TTF1: variants seen among roughly 807,000 people sequenced by gnomAD.
TTF1 encodes transcription termination factor, RNA polymerase I.
Under a neutral mutation model 80.2 loss-of-function variants are expected in TTF1, and 64 were observed. That is an observed-to-expected ratio of 0.80 (90% CI 0.65 to 0.98). The LOEUF is 0.98. Among genes scored for constraint, TTF1 ranks in the 50% least tolerant of loss-of-function variants. The probability of loss-of-function intolerance (pLI) is 0.00; values close to 1 mark genes in which losing one functional copy is unlikely to be tolerated. For synonymous variants in TTF1, 372 were observed against 382.7 expected (o/e 0.97, Z 0.33); for missense variants, 1,023 against 1,086.2 (o/e 0.94, Z 0.82).
At chr9:132,385,992 G>GGTGAAGAGTA (rs1319136339) in intron 9 of TTF1, among the ~76,000 whole-genome samples, 1 of 152,102 alleles carries the variant, frequency 6.6e-6, no homozygotes, top group Admixed American at 6.6e-5. Context: ...GTATTTGGTG[G>GGTGAAGAGTA]GTGAAGAGTA....
At chr9:132,378,582 TG>T (rs1849300901) in intron 10 of TTF1, among the ~76,000 whole-genome samples, 4 of 126,002 alleles carry the variant, frequency 3.2e-5, no homozygotes, top group East Asian at 5.4e-4. Flanking sequence ...GTGCATGTGG[TG>T]TGTGAATGCA....
chr9:132,376,179 G>A lies in TTF1; in HGVS notation c.2465-11C>T. The A allele has an allele frequency of 6.2e-7, 1 of 1,605,402 alleles. No individual in the cohort carries two copies. Among genetic ancestry groups the A allele is most frequent in the Non-Finnish European group, 8.5e-7 (1 of 1,178,158 alleles). ...GGTAGTCGATGATCTCTACAGAAAA[G>A]AAATTTAATTGTGCAGTTATCTGTC... On this transcript the variant is annotated splice_polypyrimidine_tract_variant and intron_variant, in intron 10 of 10. Transcript: ENST00000334270.
rs189471409 is a variant in TTF1, at chr9:132,388,070, C to T, written c.2312+69G>A. 1.8e-3 allele frequency: 2,252 copies of T among 1,278,150 alleles called. 8 individuals carry two copies. The highest frequency in any genetic ancestry group is 2.4e-3 in the Non-Finnish European group (2,108 of 895,562). 79.2% of individuals were successfully genotyped at this position (1,278,150 alleles called of 1,614,324 possible). ...CTTGGCAATCTCACTGCAGACTCTG[C>T]TGGGTTAACAACTTCTCTTTGGCTA... is the stretch of plus-strand genomic sequence containing the variant. On this transcript the variant is annotated intron_variant, in intron 8 of 10. Coordinates refer to ENST00000334270, the MANE Select transcript of TTF1 (RefSeq NM_007344.4).
chr9:132,377,815 GC>G (rs1849250422), intron 10 of TTF1, among the ~76,000 whole-genome samples: 1 of 141,514 alleles, frequency 7.1e-6, no homozygotes. Flanking sequence ...TGGTGTGAGT[GC>G]ATGTGGTGTG....
chr9:132,396,078 C>T (rs1355772397), intron 5 of TTF1, among the ~76,000 whole-genome samples: 1 of 152,202 alleles, frequency 6.6e-6, no homozygotes, highest in African/African-American at 2.4e-5. Flanking sequence ...CTGCTAAGTG[C>T]TGAATGGAAC....
intron 10 of TTF1, among the ~76,000 whole-genome samples, chr9:132,377,194 T>A (rs1375041127): frequency 7.7e-6 from 1 of 129,770 alleles, no homozygotes; most frequent in Non-Finnish European, 1.6e-5. Context: ...AGTGCATGCA[T>A]GTGGTGTGAG....
intron 9 of TTF1, among the ~76,000 whole-genome samples, chr9:132,382,868 C>T (rs1849393031): frequency 6.6e-6 from 1 of 151,644 alleles, no homozygotes; most frequent in Middle Eastern, 3.4e-3. Flanking sequence ...GAGTTTGAGA[C>T]CAGCCTGGCC....
At position 132,400,166 on chromosome 9, in the gene TTF1, G is replaced by A. The variant is rs1278228244; in HGVS notation, c.1460C>T (p.Ser487Leu). The change falls in exon 3 of 11, where the codon TCA becomes TTA. Residue 487 changes from serine to leucine, a missense_variant. Physicochemically the swap from Ser to Leu is moderately radical, Grantham distance 145. Transcript: ENST00000334270. ...CACGGCAGAACCCAAATCCGCATCTGAATCATCGGCATCTCCTGAATCTGC... is the reference window on the plus strand; with the variant it reads ...CACGGCAGAACCCAAATCCGCATCTAAATCATCGGCATCTCCTGAATCTGC... ...LSADSGDADD[S>L]DADLGSAVKQ... 6.2e-7 allele frequency: 1 copy of A among 1,614,032 alleles called. No individual in the cohort carries two copies. Among genetic ancestry groups the A allele is most frequent in the African/African-American group, 1.3e-5 (1 of 74,894 alleles).
intron 7 of TTF1, 39 bp from the exon 8 acceptor site, chr9:132,388,267 G>A (rs760722123): frequency 2.0e-5 from 29 of 1,444,430 alleles, no homozygotes; most frequent in Non-Finnish European, 2.8e-5. Flanking sequence ...TACTTTCAAG[G>A]GTAGAGTTTT....
At chr9:132,396,624 A>C (rs1849654498) in intron 4 of TTF1, 113 bp from the exon 5 acceptor site, 3 of 825,660 alleles carry the variant, frequency 3.6e-6, no homozygotes, top group Non-Finnish European at 6.1e-6. Flanking sequence ...CCCCGTGTTA[A>C]GGCTGGGATT....
In TTF1 at chr9:132,401,715, A is replaced by C; in HGVS notation, c.1107T>G (p.Thr369=). Residue 369 remains threonine, a synonymous_variant, in exon 2 of 11, where the codon ACT becomes ACG. Transcript: ENST00000334270. ...EGSQVGSEVG[T]VEGSTALKGF... ...CTTTAAGAGCTGTACTGCCTTCCAC[A>C]GTCCCAACCTCACTGCCCACCTGTG... is the stretch of plus-strand genomic sequence containing the variant. The C allele has an allele frequency of 2.5e-6, 4 of 1,614,156 alleles. No individual in the cohort carries two copies. The highest frequency in any genetic ancestry group is 3.4e-6 in the Non-Finnish European group (4 of 1,179,960).
At chr9:132,401,382 C>T in intron 2 of TTF1, 73 bp downstream of exon 2, 1 of 1,354,494 alleles carries the variant, frequency 7.4e-7, no homozygotes, top group Non-Finnish European at 9.7e-7. Context: ...AAAGTCTGTG[C>T]TAAATAAAGA....
rs1048742218 is a variant in TTF1 at position 132,401,911 on chromosome 9, C to G, written c.911G>C (p.Gly304Ala). Reference protein sequence around the residue: ...PEGSQVGSEVGADMQESRPAV... With the variant: ...PEGSQVGSEVAADMQESRPAV... Reference sequence around the variant, plus strand: ...AGGCCGGGATTCCTGCATATCAGCCCCAACCTCACTGCCCACTTGTGATCC... The same window carrying G: ...AGGCCGGGATTCCTGCATATCAGCCGCAACCTCACTGCCCACTTGTGATCC... Residue 304 changes from glycine to alanine, a missense_variant, in exon 2 of 11, where the codon GGG becomes GCG. Physicochemically the swap from Gly to Ala is moderately conservative, Grantham distance 60. Transcript: ENST00000334270. The G allele has an allele frequency of 3.7e-6, 6 of 1,611,090 alleles. No homozygotes were observed. Among genetic ancestry groups the G allele is most frequent in the Non-Finnish European group, 5.1e-6 (6 of 1,178,830 alleles).
chr9:132,398,086 T>A, intron 4 of TTF1, 55 bp downstream of exon 4: 1 of 1,461,594 alleles, frequency 6.8e-7, no homozygotes, highest in Non-Finnish European at 9.1e-7. Context: ...ATGGGTTATC[T>A]TGTTTATGGC....
At chr9:132,393,358 G>A (rs1353408188) in intron 5 of TTF1, among the ~76,000 whole-genome samples, 1 of 152,198 alleles carries the variant, frequency 6.6e-6, no homozygotes, top group Non-Finnish European at 1.5e-5. Context: ...AAGGTTGTGG[G>A]TTCACGGGAA....
At chr9:132,377,677 T>A (rs1849241081) in intron 10 of TTF1, among the ~76,000 whole-genome samples, 1 of 124,352 alleles carries the variant, frequency 8.0e-6, no homozygotes, top group African/African-American at 3.2e-5. Flanking sequence ...ATGTGGTGTG[T>A]GAATGCATGT....
intron 10 of TTF1, among the ~76,000 whole-genome samples, chr9:132,376,707 A>T: frequency 7.1e-6 from 1 of 141,032 alleles, no homozygotes. Flanking sequence ...CTGTCACCCC[A>T]GCTGAAGTGC....
chr9:132,406,180 C>G (rs1276667678), intron 1 of TTF1, among the ~76,000 whole-genome samples: 6 of 152,188 alleles, frequency 3.9e-5, no homozygotes, highest in Admixed American at 3.9e-4. Context: ...CGTGCCCAAA[C>G]CTGGTCCCGG....
At position 132,384,391 on chromosome 9, in the gene TTF1, A is replaced by C. The variant is rs1216864348; in HGVS notation, c.2378+2165T>G. On this transcript the variant is annotated intron_variant, in intron 9 of 10. Transcript: ENST00000334270. The surrounding 1 kb of genome is among the most constrained non-coding windows in gnomAD (Gnocchi z 4.1). ...GAGCTGAAGGGAGGGCGTGATAAAG[A>C]GCTGACATTAGAATAATCACAAGAT... Among the ~76,000 whole-genome samples, 2 of 152,218 alleles carry C rather than the reference A, an allele frequency of 1.3e-5. No individual in the cohort carries two copies. Among genetic ancestry groups the C allele is most frequent in the African/African-American group, 4.8e-5 (2 of 41,440 alleles).
Sources: allele counts gnomAD v4.1 joint callset (sites outside exome capture counted in the v4.1 genomes callset), GRCh38; gene constraint gnomAD v4.1.1; non-coding constraint Gnocchi (gnomAD v3.1); transcripts MANE v1.5; gene names NCBI Gene and HGNC (gene_info 2026-07-23, HGNC 2026-07-21).